TSHZ2: variants seen among roughly 807,000 people sequenced by gnomAD.
The protein encoded by TSHZ2 is teashirt homolog 2.
TSHZ2 carries 21 observed loss-of-function variants against 74.4 expected under a neutral mutation model. That is an observed-to-expected ratio of 0.28 (90% CI 0.20 to 0.41). TSHZ2 has a LOEUF of 0.41. Among genes scored for constraint, TSHZ2 ranks in the 10% least tolerant of loss-of-function variants. The pLI is 1.00. For synonymous variants in TSHZ2, 540 were observed against 515.3 expected (o/e 1.05, Z -0.65); for missense variants, 1,244 against 1,293.5 (o/e 0.96, Z 0.59).
At chr20:53,242,648 A>ACCC (rs3042073) in intron 1 of TSHZ2, among the ~76,000 whole-genome samples, 49,104 of 151,706 alleles carry the variant, frequency 0.32, 7,980 homozygotes, top group East Asian at 0.4. Context: ...GTGAGTTTAA[A>ACCC]CCCATGTGCA....
chr20:53,246,040 C>CA (rs1990194928), intron 1 of TSHZ2, among the ~76,000 whole-genome samples: 1 of 130,648 alleles, frequency 7.7e-6, no homozygotes, highest in Non-Finnish European at 1.6e-5. Flanking sequence ...TTCTTTCTTT[C>CA]TTTTTTTTTT....
chr20:53,310,399 T>C (rs1286508316), intron 2 of TSHZ2, among the ~76,000 whole-genome samples: 3 of 152,224 alleles, frequency 2.0e-5, no homozygotes, highest in African/African-American at 7.2e-5. Context: ...ATTTGTAGTC[T>C]GCTGCTGTGA....
At chr20:53,238,082 G>T (rs1386615856) in intron 1 of TSHZ2, among the ~76,000 whole-genome samples, 1 of 152,022 alleles carries the variant, frequency 6.6e-6, no homozygotes, top group African/African-American at 2.4e-5. Flanking sequence ...CTGCCCTTTT[G>T]TCTATGAACA....
At chr20:52,973,431 T>C in intron 1 of TSHZ2, 98 bp downstream of exon 1, 1 of 1,474,580 alleles carries the variant, frequency 6.8e-7, no homozygotes, top group Non-Finnish European at 9.2e-7. Flanking sequence ...CCACTTAAGC[T>C]TTCGGGGGAG....
chr20:53,176,807 C>T (rs1013546275), intron 1 of TSHZ2, among the ~76,000 whole-genome samples: 3 of 151,836 alleles, frequency 2.0e-5, no homozygotes, highest in African/African-American at 7.3e-5. Context: ...CTACCTCAGC[C>T]TCCCGAGTAG....
chr20:53,225,600 C>A (rs1037855464), intron 1 of TSHZ2, among the ~76,000 whole-genome samples: 4 of 152,204 alleles, frequency 2.6e-5, no homozygotes, highest in Non-Finnish European at 5.9e-5. Flanking sequence ...GTCATTTAAT[C>A]ATTCAAATCT....
At chr20:53,196,392 A>AAAAAAAAAAAAAAAAAAAAAAAG (rs71194463) in intron 1 of TSHZ2, 1 of 132,324 alleles carries the variant, frequency 7.6e-6, no homozygotes, top group African/African-American at 2.9e-5. Context: ...AAAAAAAAAA[A>AAAAAAAAAAAAAAAAAAAAAAAG]TGTGCTTTCA....
chr20:53,236,257 C>T (rs1344511818), intron 1 of TSHZ2, among the ~76,000 whole-genome samples: 1 of 152,188 alleles, frequency 6.6e-6, no homozygotes, highest in African/African-American at 2.4e-5. Context: ...CTTTTATTTG[C>T]TCTGGCATTC....
At chr20:53,472,801 C>G (rs1032521080) in intron 2 of TSHZ2, among the ~76,000 whole-genome samples, 20 of 151,634 alleles carry the variant, frequency 1.3e-4, no homozygotes, top group African/African-American at 4.8e-4. Context: ...TGGGTGCGCG[C>G]ACCGTGCGCG....
intron 2 of TSHZ2, among the ~76,000 whole-genome samples, chr20:53,348,669 A>C (rs536956806): frequency 6.6e-6 from 1 of 152,350 alleles, no homozygotes; most frequent in South Asian, 2.1e-4. Context: ...GCTGGTAATG[A>C]AAGTGTCATG....
At chr20:53,484,230 T>C (rs967615436) in intron 2 of TSHZ2, among the ~76,000 whole-genome samples, 1 of 152,200 alleles carries the variant, frequency 6.6e-6, no homozygotes, top group Non-Finnish European at 1.5e-5. Context: ...TTCTCTCCAC[T>C]GATGGTGATC....
chr20:52,974,703 G>C (rs576700942), intron 1 of TSHZ2, among the ~76,000 whole-genome samples: 76 of 152,316 alleles, frequency 5.0e-4, no homozygotes, highest in South Asian at 3.5e-3. Context: ...AATCTGAGGA[G>C]AGTGGGCATC....
intron 1 of TSHZ2, among the ~76,000 whole-genome samples, chr20:53,146,418 C>A (rs533246742): frequency 1.3e-5 from 2 of 152,210 alleles, no homozygotes; most frequent in Non-Finnish European, 2.9e-5. Context: ...CTATTGAGAT[C>A]CCCAAGCAGC....
intron 1 of TSHZ2, among the ~76,000 whole-genome samples, chr20:53,033,566 G>A (rs1056183534): frequency 8.6e-5 from 13 of 151,348 alleles, no homozygotes; most frequent in African/African-American, 3.2e-4. Flanking sequence ...CTAGGTCAGT[G>A]GCTGGCACAT....
intron 1 of TSHZ2, among the ~76,000 whole-genome samples, chr20:52,981,009 T>C (rs1399898894): frequency 1.3e-5 from 2 of 152,240 alleles, no homozygotes; most frequent in African/African-American, 4.8e-5. Context: ...ATCTATTCTA[T>C]GTGCACGGTG....
chr20:53,378,119 C>T lies in TSHZ2; in HGVS notation c.*9-109025C>T, dbSNP rs185329676. On this transcript the variant is annotated intron_variant, in intron 2 of 2. Transcript: ENST00000371497. ...ACTTCGGGAGGCCGAGGCGGGCGAT[C>T]ACCTGAGGTCAGGAGTTCAATACCA... is the stretch of plus-strand genomic sequence containing the variant. Among the ~76,000 whole-genome samples, 347 of 152,208 alleles carry T rather than the reference C, an allele frequency of 2.3e-3. 2 individuals carry two copies. The highest frequency in any genetic ancestry group is 4.1e-3 in the Admixed American group (62 of 15,294).
In TSHZ2 at chr20:53,140,192, C is replaced by T. The variant is rs114106554; in HGVS notation, c.41-113307C>T. On this transcript the variant is annotated intron_variant, in intron 1 of 2. Coordinates refer to ENST00000371497, the MANE Select transcript of TSHZ2 (RefSeq NM_173485.6). ...AATAATATGTACATAAATAAATATG[C>T]AATATATATAATATGATATACTAAA... Among the ~76,000 whole-genome samples the T allele has an allele frequency of 9.9e-3, 1,498 of 151,926 alleles. 30 individuals are homozygous for T. Among genetic ancestry groups the T allele is most frequent in the African/African-American group, 0.034 (1,393 of 41,450 alleles).
At chr20:53,238,935 A>C (rs1990003312) in intron 1 of TSHZ2, among the ~76,000 whole-genome samples, 1 of 152,206 alleles carries the variant, frequency 6.6e-6, no homozygotes, top group East Asian at 1.9e-4. Context: ...ATTCATCCAA[A>C]CTGCAAAATT....
intron 1 of TSHZ2, among the ~76,000 whole-genome samples, chr20:53,029,251 C>A (rs1357483975): frequency 6.6e-6 from 1 of 152,096 alleles, no homozygotes; most frequent in African/African-American, 2.4e-5. Flanking sequence ...GGGTTTATAT[C>A]CCAAAACAAG....
Sources: gnomAD v4.1 joint callset for allele counts (sites outside exome capture counted in the v4.1 genomes callset) on GRCh38, gnomAD v4.1.1 for gene constraint, MANE v1.5 for transcripts, NCBI Gene and HGNC (gene_info 2026-07-23, HGNC 2026-07-21) for gene names.